The following AKT3 variants were observed in gnomAD, a reference collection of about 807,000 sequenced individuals.
The protein encoded by AKT3 is AKT serine/threonine kinase 3, also known as RAC-gamma serine/threonine-protein kinase.
A neutral mutation model predicts 65.3 loss-of-function variants in AKT3; 15 were observed. The ratio of observed to expected loss-of-function variants is 0.23; its 90% CI spans 0.15 to 0.35. The LOEUF is 0.35. Ranked by LOEUF, AKT3 falls within the 10% of genes least tolerant of loss-of-function variation. The pLI is 1.00. For synonymous variants in AKT3, 206 were observed against 183.8 expected (o/e 1.12, Z -0.98); for missense variants, 243 against 576.5 (o/e 0.42, Z 5.92).
chr1:243,615,930 G>T (rs562158185), intron 6 of AKT3, among the ~76,000 whole-genome samples: 1 of 151,806 alleles, frequency 6.6e-6, no homozygotes, highest in Admixed American at 6.6e-5. Context: ...TTTAGAGATA[G>T]GGTCTTGCTA....
chr1:243,744,670 C>T lies in AKT3; in HGVS notation c.47-48954G>A, dbSNP rs1277904751. ...AGGAGAATGGCGTGAACCCGGGAGGCGGAGCTTGCAGTGAGCCGAGATCGC... is the reference window on the plus strand; with the variant it reads ...AGGAGAATGGCGTGAACCCGGGAGGTGGAGCTTGCAGTGAGCCGAGATCGC... On this transcript the variant is annotated intron_variant, in intron 2 of 13. Transcript: ENST00000673466. 8.4e-5 allele frequency among the ~76,000 whole-genome samples: 12 copies of T among 143,340 alleles called. 1 individual carries two copies. Among genetic ancestry groups the T allele is most frequent in the Admixed American group, 8.1e-4 (11 of 13,606 alleles). 94.0% of individuals were successfully genotyped at this position (143,340 alleles called of 152,430 possible).
At chr1:243,683,745 C>T (rs1684084489) in intron 3 of AKT3, among the ~76,000 whole-genome samples, 2 of 152,120 alleles carry the variant, frequency 1.3e-5, no homozygotes, top group African/African-American at 4.8e-5. Context: ...CTTCTATGTC[C>T]TCAGTATAAA....
At chr1:243,533,424 T>C (rs536677795) in intron 12 of AKT3, among the ~76,000 whole-genome samples, 4 of 152,352 alleles carry the variant, frequency 2.6e-5, no homozygotes, top group South Asian at 4.1e-4. Flanking sequence ...CTGACATTTA[T>C]AGAATATTCT....
intron 8 of AKT3, among the ~76,000 whole-genome samples, chr1:243,594,226 A>C (rs1395257002): frequency 6.6e-6 from 1 of 152,234 alleles, no homozygotes; most frequent in Non-Finnish European, 1.5e-5. Context: ...AAACCTATAC[A>C]CTAAAACTAC....
chr1:243,813,067 T>C (rs2148403100), intron 2 of AKT3, among the ~76,000 whole-genome samples: 1 of 150,296 alleles, frequency 6.7e-6, no homozygotes, highest in South Asian at 2.1e-4. Context: ...TTAGGAGATA[T>C]ATCTAATGTA....
At chr1:243,557,805 T>C (rs1673507779) in intron 10 of AKT3, among the ~76,000 whole-genome samples, 1 of 151,980 alleles carries the variant, frequency 6.6e-6, no homozygotes, top group African/African-American at 2.4e-5. Context: ...AAGATGAAGG[T>C]TTTCAAAATT....
At chr1:243,833,058 G>A (rs1694639946) in intron 2 of AKT3, among the ~76,000 whole-genome samples, 3 of 152,116 alleles carry the variant, frequency 2.0e-5, no homozygotes, top group South Asian at 2.1e-4. Context: ...TCAGGAGTTC[G>A]AGACCAGCCT....
chr1:243,652,697 T>A (rs1207281925), intron 4 of AKT3, among the ~76,000 whole-genome samples: 1 of 135,772 alleles, frequency 7.4e-6, no homozygotes, highest in African/African-American at 2.8e-5. Flanking sequence ...ATTCAGGAGA[T>A]CCATCTCTCA....
At chr1:243,750,551 T>G (rs761547398) in intron 2 of AKT3, among the ~76,000 whole-genome samples, 2 of 152,102 alleles carry the variant, frequency 1.3e-5, no homozygotes, top group South Asian at 4.1e-4. Flanking sequence ...TACCGGTAAG[T>G]TATTAGTAAA....
At chr1:243,547,847 C>T (rs914777108) in intron 11 of AKT3, among the ~76,000 whole-genome samples, 1 of 152,098 alleles carries the variant, frequency 6.6e-6, no homozygotes, top group Non-Finnish European at 1.5e-5. Flanking sequence ...GTCTCCAACT[C>T]CCAGATCCTT....
chr1:243,621,217 C>A (rs1678724139), intron 6 of AKT3, among the ~76,000 whole-genome samples: 1 of 152,174 alleles, frequency 6.6e-6, no homozygotes, highest in Non-Finnish European at 1.5e-5. Flanking sequence ...AGGAGCTTTT[C>A]ATTTATTTGT....
chr1:243,680,261 T>C (rs1431636803), intron 3 of AKT3, among the ~76,000 whole-genome samples: 2 of 152,162 alleles, frequency 1.3e-5, no homozygotes, highest in African/African-American at 2.4e-5. Flanking sequence ...TGGAAGACTA[T>C]TGTGCTGACA....
chr1:243,714,689 G>A (rs1686393102), intron 2 of AKT3, among the ~76,000 whole-genome samples: 1 of 152,068 alleles, frequency 6.6e-6, no homozygotes, highest in Non-Finnish European at 1.5e-5. Context: ...ACGGGGAGGA[G>A]AATATAGAAA....
chr1:243,583,136 T>A (rs551756566), intron 8 of AKT3, among the ~76,000 whole-genome samples: 1 of 144,646 alleles, frequency 6.9e-6, no homozygotes, highest in East Asian at 2.0e-4. Flanking sequence ...ATATATTCCA[T>A]ATATATATCT....
At chr1:243,811,514 A>G (rs568540402) in intron 2 of AKT3, among the ~76,000 whole-genome samples, 2 of 152,324 alleles carry the variant, frequency 1.3e-5, no homozygotes, top group East Asian at 1.9e-4. Flanking sequence ...GCTCAACGAA[A>G]TAAGAGAGAA....
At chr1:243,533,121 T>G (rs1053563355) in intron 12 of AKT3, among the ~76,000 whole-genome samples, 3 of 152,238 alleles carry the variant, frequency 2.0e-5, no homozygotes, top group African/African-American at 7.2e-5. Flanking sequence ...TTATTCTCTA[T>G]TGCTTTTCAA....
chr1:243,849,907 A>T, intron 1 of AKT3, 133 bp downstream of exon 1: 1 of 653,814 alleles, frequency 1.5e-6, no homozygotes, highest in Non-Finnish European at 1.9e-6. Context: ...GACAACCCAG[A>T]AGCCCCCGCC....
chr1:243,700,328 T>C (rs979027948), intron 2 of AKT3, among the ~76,000 whole-genome samples: 1 of 152,118 alleles, frequency 6.6e-6, no homozygotes, highest in African/African-American at 2.4e-5. Flanking sequence ...TTTTACTTAG[T>C]CCTAATAACT....
At chr1:243,635,807 G>T (rs1679931744) in intron 6 of AKT3, among the ~76,000 whole-genome samples, 2 of 152,014 alleles carry the variant, frequency 1.3e-5, no homozygotes, top group South Asian at 2.1e-4. Context: ...TTTCTTCCCT[G>T]ATATGTTGCT....
Sources: allele counts gnomAD v4.1 joint callset (sites outside exome capture counted in the v4.1 genomes callset), GRCh38; gene constraint gnomAD v4.1.1; transcripts MANE v1.5; gene names NCBI Gene and HGNC (gene_info 2026-07-23, HGNC 2026-07-21).